AOX1: variants seen among roughly 807,000 people sequenced by gnomAD.
The protein encoded by AOX1 is aldehyde oxidase.
Under a neutral mutation model 169.5 loss-of-function variants are expected in AOX1, and 153 were observed. That is an observed-to-expected ratio of 0.90 (90% CI 0.79 to 1.03). AOX1 has a LOEUF of 1.03. Among genes scored for constraint, AOX1 ranks in the 50% least tolerant of loss-of-function variants. AOX1 has a pLI of 0.00. For missense variants in AOX1, 1,656 were observed against 1,663.9 expected, an observed-to-expected ratio of 1.00 and a Z score of 0.08; for synonymous variants, 562 against 581.9, an observed-to-expected ratio of 0.97 and a Z score of 0.49.
At chr2:200,609,261 T>G in intron 11 of AOX1, 60 bp from the exon 12 acceptor site, 1 of 1,594,126 alleles carries the variant, frequency 6.3e-7, no homozygotes, top group Non-Finnish European at 8.6e-7. Context: ...GCTTAATCCT[T>G]ATTTTAGCAC....
At chr2:200,611,304 G>T in intron 12 of AOX1, 80 bp from the exon 13 acceptor site, 3 of 954,204 alleles carry the variant, frequency 3.1e-6, no homozygotes, top group Non-Finnish European at 3.4e-6. Flanking sequence ...TCAGGTATTT[G>T]GTAGAATTAC....
At chr2:200,611,631 G>A (rs780019337) in intron 13 of AOX1, 138 bp downstream of exon 13, 16 of 627,330 alleles carry the variant, frequency 2.6e-5, no homozygotes, top group Admixed American at 8.3e-5. Context: ...GTGGTATGAG[G>A]TCATTATTTT....
intron 29 of AOX1, 105 bp downstream of exon 29, chr2:200,660,174 A>G (rs1416328808): frequency 1.3e-5 from 12 of 897,800 alleles, no homozygotes; most frequent in Non-Finnish European, 2.0e-5. Context: ...GCATTTGCAA[A>G]GGTACCACCA....
At position 200,612,660 on chromosome 2, in the gene AOX1, G is replaced by A. The variant is rs1304483788; in HGVS notation, c.1315G>A (p.Ala439Thr). ...RQAQRQENAL[A>T]IVNSGMRVFF... ...AGCCCAGCGACAGGAGAATGCGCTA[G>A]CGATAGTCAATTCAGGAATGAGAGT... The change falls in exon 14 of 35, where the codon GCG (alanine) becomes ACG (threonine). Residue 439 changes from alanine to threonine, a missense_variant. Transcript: ENST00000374700. 1.9e-6 allele frequency: 3 copies of A among 1,614,030 alleles called. No homozygotes were observed. The African/African-American group carries it at 4.0e-5, about 22-fold the overall frequency.
At chr2:200,596,919 G>C (rs1016150174) in intron 3 of AOX1, among the ~76,000 whole-genome samples, 1 of 152,044 alleles carries the variant, frequency 6.6e-6, no homozygotes, top group African/African-American at 2.4e-5. Context: ...TTTACCTTCT[G>C]GTCTTTGTAC....
At chr2:200,592,339 C>T (rs1574904028) in intron 1 of AOX1, among the ~76,000 whole-genome samples, 2 of 152,276 alleles carry the variant, frequency 1.3e-5, no homozygotes, top group East Asian at 3.9e-4. Flanking sequence ...CCTACTACTT[C>T]CCAGGAGGGA....
chr2:200,605,727 A>C (rs2034502043), intron 10 of AOX1, 99 bp downstream of exon 10: 7 of 511,734 alleles, frequency 1.4e-5, no homozygotes, highest in Non-Finnish European at 2.4e-5. Flanking sequence ...CCTAATTATA[A>C]TACACACAGA....
At chr2:200,682,140 T>C in the AOX1 span, among the ~76,000 whole-genome samples, 1 of 152,186 alleles carries the variant, frequency 6.6e-6, no homozygotes, top group African/African-American at 2.4e-5. Context: ...ACATATGCAT[T>C]CTATCCTGTC....
intron 15 of AOX1, 31 bp downstream of exon 15, chr2:200,613,997 A>G (rs75804136): frequency 1.2e-6 from 2 of 1,601,448 alleles, no homozygotes; most frequent in South Asian, 1.1e-5. Flanking sequence ...TAACTTCCCC[A>G]GTACTGGGAG....
intron 2 of AOX1, 122 bp from the exon 3 acceptor site, chr2:200,595,150 A>C (rs1195992837): frequency 2.0e-6 from 1 of 507,958 alleles, no homozygotes; most frequent in Admixed American, 3.5e-5. Context: ...ACATTATTTG[A>C]TGAATATGTA....
At chr2:200,629,090 C>G (rs1435893852) in intron 20 of AOX1, among the ~76,000 whole-genome samples, 1 of 152,102 alleles carries the variant, frequency 6.6e-6, no homozygotes, top group East Asian at 1.9e-4. Flanking sequence ...TTCTTAAGTT[C>G]CAAGCCCATC....
intron 5 of AOX1, among the ~76,000 whole-genome samples, chr2:200,601,102 G>A: frequency 7.8e-6 from 1 of 127,840 alleles, no homozygotes; most frequent in African/African-American, 2.9e-5. Context: ...GTCACAGTAA[G>A]TGTTAAGAAT....
At chr2:200,631,636 T>A (rs1212282406) in intron 20 of AOX1, among the ~76,000 whole-genome samples, 1 of 152,100 alleles carries the variant, frequency 6.6e-6, no homozygotes, top group Non-Finnish European at 1.5e-5. Flanking sequence ...TACCCTAAGG[T>A]GAAGAGGGGG....
At chr2:200,631,656 TG>T (rs1445314539) in intron 20 of AOX1, among the ~76,000 whole-genome samples, 1 of 151,954 alleles carries the variant, frequency 6.6e-6, no homozygotes, top group Non-Finnish European at 1.5e-5. Context: ...GCACTACGGG[TG>T]GGGGCTGTCA....
chr2:200,629,184 C>T (rs1373009676), intron 20 of AOX1, among the ~76,000 whole-genome samples: 1 of 152,138 alleles, frequency 6.6e-6, no homozygotes, highest in African/African-American at 2.4e-5. Context: ...AGGAAAGACA[C>T]CTGGAACTGT....
At chr2:200,679,171 G>A (rs908797088), downstream of AOX1, 1 of 152,166 alleles carries the variant, frequency 6.6e-6, no homozygotes, top group Non-Finnish European at 1.5e-5. Flanking sequence ...TCATGGCCCA[G>A]CTCTAACACT....
intron 10 of AOX1, among the ~76,000 whole-genome samples, chr2:200,607,241 A>G (rs1464955739): frequency 1.3e-5 from 2 of 152,176 alleles, no homozygotes; most frequent in African/African-American, 2.4e-5. Context: ...AGAGATAATC[A>G]TGTGGTTTTC....
rs58855977 is a variant in AOX1 at position 200,601,073 on chromosome 2, C to CTT, written c.437-1194_437-1193dup. Among the ~76,000 whole-genome samples, 564 of 120,462 alleles carry CTT rather than the reference C, an allele frequency of 4.7e-3. 20 individuals are homozygous for CTT. Among genetic ancestry groups the CTT allele is most frequent in the African/African-American group, 9.9e-3 (318 of 32,116 alleles). The allele number at this position is 120,462 out of a possible 152,430, so 79.0% of individuals were successfully genotyped here. ...TTTCTGTCAGCTGAAGCTTAGAGTGCTTTTTTTTTTTTTTTTTTGTCACAG... is the reference window on the plus strand; with the variant it reads ...TTTCTGTCAGCTGAAGCTTAGAGTGCTTTTTTTTTTTTTTTTTTTTGTCACAG... On this transcript the variant is annotated intron_variant, in intron 5 of 34. Transcript: ENST00000374700.
chr2:200,676,431 C>G (rs2036098022), downstream of AOX1, among the ~76,000 whole-genome samples: 1 of 151,932 alleles, frequency 6.6e-6, no homozygotes, highest in Non-Finnish European at 1.5e-5. Context: ...GAAACCCCGT[C>G]TCTACTAAAA....
Sources: allele counts gnomAD v4.1 joint callset (sites outside exome capture counted in the v4.1 genomes callset), GRCh38; gene constraint gnomAD v4.1.1; transcripts MANE v1.5; gene names NCBI Gene and HGNC (gene_info 2026-07-23, HGNC 2026-07-21).